NLGN4X: variants seen among roughly 807,000 people sequenced by gnomAD.
The protein encoded by NLGN4X is neuroligin 4 X-linked.
Under a neutral mutation model 40.3 loss-of-function variants are expected in NLGN4X, and 3 were observed. The ratio of observed to expected loss-of-function variants is 0.07; its 90% confidence interval spans 0.03 to 0.19. The LOEUF is 0.19. Among genes scored for constraint, NLGN4X ranks in the 10% least tolerant of loss-of-function variants. The probability of loss-of-function intolerance (pLI) is 1.00; values close to 1 mark genes in which losing one functional copy is unlikely to be tolerated. For missense variants in NLGN4X, 382 were observed against 708.3 expected (o/e 0.54, Z 5.23); for synonymous variants, 270 against 306.8 (o/e 0.88, Z 1.25).
intron 3 of NLGN4X, among the ~76,000 whole-genome samples, chrX:5,925,881 CATATATATATATATATATATATATATAT>C (rs55860509): frequency 0.067 from 1,315 of 19,525 alleles, 75 homozygotes; most frequent in Middle Eastern, 0.091. Context: ...TACATACACA[CATATATATATATATATATATATATATAT>C]ATATATATAT....
chrX:6,225,151 G>C (rs1926099965), intron 1 of NLGN4X, among the ~76,000 whole-genome samples: 1 of 104,879 alleles, frequency 9.5e-6, no homozygotes. Flanking sequence ...TGCTTGCAGA[G>C]TTCTCCATGA....
intron 5 of NLGN4X, among the ~76,000 whole-genome samples, chrX:5,899,866 T>C (rs1207782542): frequency 8.9e-6 from 1 of 111,859 alleles, no homozygotes; most frequent in Non-Finnish European, 1.9e-5. Context: ...AAGATAATCA[T>C]ATAAAGTTTA....
intron 2 of NLGN4X, among the ~76,000 whole-genome samples, chrX:6,079,773 C>A (rs1425291865): frequency 8.9e-6 from 1 of 111,997 alleles, no homozygotes; most frequent in Non-Finnish European, 1.9e-5. Flanking sequence ...TTGGCATCAT[C>A]CTGTGGGTCA....
At chrX:5,924,914 T>C (rs2033214620) in intron 3 of NLGN4X, among the ~76,000 whole-genome samples, 1 of 110,745 alleles carries the variant, frequency 9.0e-6, no homozygotes, top group African/African-American at 3.3e-5. Context: ...TGTATACTGC[T>C]TGGGTAATGG....
chrX:6,032,452 C>A (rs1329975281), intron 2 of NLGN4X, among the ~76,000 whole-genome samples: 1 of 105,152 alleles, frequency 9.5e-6, no homozygotes, highest in East Asian at 3.1e-4. Context: ...GTTCATTACT[C>A]TTTTCATGTT....
rs1234520897 is a variant in NLGN4X at position 6,073,591 on chromosome X, C to T, written c.473-44159G>A. 2.7e-5 allele frequency among the ~76,000 whole-genome samples: 3 copies of T among 111,121 alleles called. No individual in the cohort carries two copies. In the Admixed American group the frequency reaches 2.9e-4, roughly 11 times the overall value. On this transcript the variant is annotated intron_variant, in intron 2 of 5. Transcript: ENST00000381095. ...TGATGAAGGAGGAAGATTAGTAGGG[C>T]ACAATGTCTATCCTTAAGGTGTACC...
chrX:5,910,348 C>T (rs1437320018), intron 3 of NLGN4X, among the ~76,000 whole-genome samples: 1 of 110,259 alleles, frequency 9.1e-6, no homozygotes, highest in Non-Finnish European at 1.9e-5. Context: ...ACCATTTTCA[C>T]GTCCTTATTT....
intron 3 of NLGN4X, among the ~76,000 whole-genome samples, chrX:5,916,119 G>T (rs57171515): frequency 0.014 from 1,548 of 111,299 alleles, 20 homozygotes; most frequent in African/African-American, 0.047. Flanking sequence ...TAAAACCCAG[G>T]AAAATGAAAA....
chrX:6,039,068 C>T (rs1432344305), intron 2 of NLGN4X, among the ~76,000 whole-genome samples: 1 of 111,000 alleles, frequency 9.0e-6, no homozygotes, highest in Non-Finnish European at 1.9e-5. Flanking sequence ...TTCTACAATC[C>T]TCCCCATGAA....
At chrX:5,910,453 C>T (rs1165011808) in intron 3 of NLGN4X, among the ~76,000 whole-genome samples, 1 of 111,181 alleles carries the variant, frequency 9.0e-6, no homozygotes, top group Non-Finnish European at 1.9e-5. Flanking sequence ...AAGGGATGCT[C>T]AGCACATTAT....
chrX:6,094,960 C>T (rs918414671), intron 2 of NLGN4X, among the ~76,000 whole-genome samples: 1 of 109,939 alleles, frequency 9.1e-6, no homozygotes, highest in Non-Finnish European at 1.9e-5. Context: ...TAATGAAAAA[C>T]GTTGCAGCAA....
chrX:6,122,335 T>G (rs1162054147), intron 2 of NLGN4X, among the ~76,000 whole-genome samples: 1 of 111,340 alleles, frequency 9.0e-6, no homozygotes, highest in Non-Finnish European at 1.9e-5. Context: ...GCCTCCCGGG[T>G]TCAAGTGATT....
intron 3 of NLGN4X, among the ~76,000 whole-genome samples, chrX:6,019,308 T>A (rs2036473833): frequency 8.9e-6 from 1 of 111,748 alleles, no homozygotes; most frequent in South Asian, 3.8e-4. Context: ...GGTAGGCAAA[T>A]GTCAGGGGAA....
intron 1 of NLGN4X, among the ~76,000 whole-genome samples, chrX:6,225,681 C>CTTTTTTGCT (rs1926163278): frequency 3.0e-5 from 1 of 33,810 alleles, no homozygotes; most frequent in Non-Finnish European, 5.0e-5. Flanking sequence ...TTTTTTCTTT[C>CTTTTTTGCT]TTTTTTTCTT....
chrX:5,916,976 G>A (rs999735287), intron 3 of NLGN4X, among the ~76,000 whole-genome samples: 2 of 112,389 alleles, frequency 1.8e-5, no homozygotes, highest in Non-Finnish European at 3.8e-5. Flanking sequence ...CATTCTGTGT[G>A]GGCCCATGTG....
chrX:6,197,195 T>C (rs1318537117), intron 1 of NLGN4X, among the ~76,000 whole-genome samples: 2 of 111,564 alleles, frequency 1.8e-5, no homozygotes, highest in African/African-American at 6.5e-5. Flanking sequence ...TTGGACAAGA[T>C]AACCTATTAC....
At chrX:5,964,916 C>T (rs144703812) in intron 3 of NLGN4X, among the ~76,000 whole-genome samples, 15,438 of 111,786 alleles carry the variant, frequency 0.14, 874 homozygotes, top group Non-Finnish European at 0.18. Context: ...AAGAGAACCT[C>T]TTCTAGATAA....
intron 3 of NLGN4X, among the ~76,000 whole-genome samples, chrX:5,926,789 T>TATACACAC (rs1555921499): frequency 5.4e-5 from 5 of 93,055 alleles, no homozygotes; most frequent in African/African-American, 2.0e-4. Context: ...CTAGAGAGCA[T>TATACACAC]ACACACACAC....
At chrX:6,201,978 C>T (rs1336947789) in intron 1 of NLGN4X, among the ~76,000 whole-genome samples, 2 of 111,064 alleles carry the variant, frequency 1.8e-5, no homozygotes, top group African/African-American at 3.3e-5. Flanking sequence ...ATTTAGGGAG[C>T]GACAGTAACT....
Sources: gnomAD v4.1 joint callset for allele counts (sites outside exome capture counted in the v4.1 genomes callset) on GRCh38, gnomAD v4.1.1 for gene constraint, MANE v1.5 for transcripts, NCBI Gene and HGNC (gene_info 2026-07-23, HGNC 2026-07-21) for gene names.